CAMKMT: variants seen among roughly 807,000 people sequenced by gnomAD.
CAMKMT encodes CaM KMT.
Under a neutral mutation model 48.0 loss-of-function variants are expected in CAMKMT, and 53 were observed. That is an observed-to-expected ratio of 1.10 (90% CI 0.89 to 1.39). The LOEUF is 1.39. CAMKMT is among the 40% of genes most tolerant of loss of function. The pLI is 0.00. For missense variants in CAMKMT, 428 were observed against 402.7 expected, an observed-to-expected ratio of 1.06 and a Z score of -0.54; for synonymous variants, 165 against 152.3, an observed-to-expected ratio of 1.08 and a Z score of -0.61.
intron 3 of CAMKMT, among the ~76,000 whole-genome samples, chr2:44,555,489 A>T (rs1197399579): frequency 2.6e-5 from 4 of 152,014 alleles, no homozygotes; most frequent in Non-Finnish European, 4.4e-5. Context: ...TTTTTGAGTG[A>T]GTGGAGCCTG....
rs181833301 is a variant in CAMKMT, at chr2:44,416,789, G to A, written c.376+26484G>A. Among the ~76,000 whole-genome samples the A allele has an allele frequency of 2.7e-3, 410 of 151,710 alleles. 1 individual carries two copies. Among genetic ancestry groups the A allele is most frequent in the African/African-American group, 9.4e-3 (389 of 41,338 alleles). On this transcript the variant is annotated intron_variant, in intron 3 of 10. Coordinates refer to ENST00000378494, the MANE Select transcript of CAMKMT (RefSeq NM_024766.5). ...AGGGTTTCACTATGTTGGCCAGGCT[G>A]GTCTCTAACTCCTAACCTCAGGTGA...
Position 44,361,967 on chromosome 2 carries a change from C to A in CAMKMT, c.-41C>A. On this transcript the variant is annotated 5_prime_UTR_variant, in exon 1 of 11. The change creates a new upstream start codon in the 5' untranslated region. Coordinates refer to ENST00000378494, the MANE Select transcript of CAMKMT (RefSeq NM_024766.5). ...TTGGCAGGTCCTGGCAGGGGACGAG[C>A]TGCGGCGGTGGCACCTCCGGGTGTG... 7.3e-7 allele frequency: 1 copy of A among 1,362,272 alleles called. No individual in the cohort carries two copies. Among genetic ancestry groups the A allele is most frequent in the Non-Finnish European group, 9.4e-7 (1 of 1,062,084 alleles). The allele number at this position is 1,362,272 out of a possible 1,614,324, so 84.4% of individuals were successfully genotyped here.
At chr2:44,462,014 T>G (rs1667872571) in intron 3 of CAMKMT, among the ~76,000 whole-genome samples, 1 of 152,246 alleles carries the variant, frequency 6.6e-6, no homozygotes, top group African/African-American at 2.4e-5. Context: ...CTTACATATT[T>G]CTACTTCCAA....
chr2:44,409,659 G>A (rs1683056142), intron 3 of CAMKMT, among the ~76,000 whole-genome samples: 1 of 152,130 alleles, frequency 6.6e-6, no homozygotes, highest in Non-Finnish European at 1.5e-5. Context: ...TTGTAAAAAT[G>A]TGAGATCATA....
intron 6 of CAMKMT, among the ~76,000 whole-genome samples, chr2:44,709,803 G>A (rs1677774591): frequency 6.6e-6 from 1 of 151,918 alleles, no homozygotes. Context: ...TACTTTCTAA[G>A]AAGTAAAAGT....
At chr2:44,690,975 C>G (rs1399175184) in intron 3 of CAMKMT, among the ~76,000 whole-genome samples, 1 of 147,350 alleles carries the variant, frequency 6.8e-6, no homozygotes, top group South Asian at 2.2e-4. Context: ...GACTCCATCT[C>G]AAAAAAAAAA....
intron 3 of CAMKMT, among the ~76,000 whole-genome samples, chr2:44,692,258 T>TAAA (rs199863027): frequency 1.4e-5 from 2 of 146,634 alleles, no homozygotes; most frequent in African/African-American, 5.0e-5. Context: ...TTTTTAATAG[T>TAAA]AAAAAAAAAA....
At chr2:44,555,163 C>T (rs1667940159) in intron 3 of CAMKMT, among the ~76,000 whole-genome samples, 1 of 151,946 alleles carries the variant, frequency 6.6e-6, no homozygotes, top group South Asian at 2.1e-4. Context: ...CAATAATTTA[C>T]ATTATTCATT....
At chr2:44,636,947 C>G (rs1673169495) in intron 3 of CAMKMT, among the ~76,000 whole-genome samples, 1 of 152,190 alleles carries the variant, frequency 6.6e-6, no homozygotes. Context: ...CATCACATCA[C>G]AAGCCAAGAA....
intron 2 of CAMKMT, among the ~76,000 whole-genome samples, chr2:44,387,586 G>C (rs1476099626): frequency 6.6e-6 from 1 of 150,878 alleles, no homozygotes; most frequent in African/African-American, 2.4e-5. Flanking sequence ...GTTTTTTTTT[G>C]TTTTTGCTTT....
chr2:44,739,173 C>T (rs1221425929), intron 7 of CAMKMT, among the ~76,000 whole-genome samples: 1 of 152,178 alleles, frequency 6.6e-6, no homozygotes, highest in East Asian at 1.9e-4. Context: ...TTAAAAGAAT[C>T]ACTCTGGCTG....
At chr2:44,569,437 A>G (rs961422958) in intron 3 of CAMKMT, among the ~76,000 whole-genome samples, 1 of 152,028 alleles carries the variant, frequency 6.6e-6, no homozygotes, top group African/African-American at 2.4e-5. Context: ...TTCTTTTTTT[A>G]TTTTAAAAAT....
chr2:44,448,787 A>G (rs1476502161), intron 3 of CAMKMT, among the ~76,000 whole-genome samples: 2 of 152,228 alleles, frequency 1.3e-5, no homozygotes, highest in Non-Finnish European at 2.9e-5. Context: ...AAAATGTAGT[A>G]TATTTATTCA....
chr2:44,504,294 A>T (rs150566990), intron 3 of CAMKMT, among the ~76,000 whole-genome samples: 1 of 152,176 alleles, frequency 6.6e-6, no homozygotes, highest in Non-Finnish European at 1.5e-5. Context: ...ACACTGCTCA[A>T]ATGACTTAGG....
intron 3 of CAMKMT, among the ~76,000 whole-genome samples, chr2:44,512,576 C>T (rs186422681): frequency 9.5e-4 from 145 of 152,314 alleles, no homozygotes; most frequent in African/African-American, 3.4e-3. Context: ...TTTCAAGAGT[C>T]TCCTACTTTT....
Position 44,707,524 on chromosome 2 carries a change from C to A in CAMKMT, c.556+62C>A, listed in dbSNP as rs1215021609. 6 of 1,405,340 alleles carry A rather than the reference C, an allele frequency of 4.3e-6. No homozygotes were observed. In the East Asian group the frequency reaches 7.0e-5, roughly 16 times the overall value. The allele number at this position is 1,405,340 out of a possible 1,614,324, so 87.1% of individuals were successfully genotyped here. On this transcript the variant is annotated intron_variant, in intron 6 of 10. Transcript: ENST00000378494. Reference sequence around the variant, plus strand: ...TCATTCCTTTTTCCTGGCTGAGTAACAATTGATATAAAGAAAGACAGCATG... The same window carrying A: ...TCATTCCTTTTTCCTGGCTGAGTAAAAATTGATATAAAGAAAGACAGCATG...
intron 6 of CAMKMT, 79 bp from the exon 7 acceptor site, chr2:44,715,208 A>T: frequency 1.1e-6 from 1 of 940,512 alleles, no homozygotes; most frequent in Non-Finnish European, 1.6e-6. Flanking sequence ...AAAAAAAAAA[A>T]AAAAGATAAC....
intron 3 of CAMKMT, among the ~76,000 whole-genome samples, chr2:44,578,362 CATG>C (rs768430938): frequency 6.0e-4 from 91 of 152,220 alleles, no homozygotes; most frequent in South Asian, 1.0e-3. Flanking sequence ...TAACAGTGAA[CATG>C]ATATTTTAAA....
At chr2:44,529,099 A>C (rs527665776) in intron 3 of CAMKMT, among the ~76,000 whole-genome samples, 1 of 152,310 alleles carries the variant, frequency 6.6e-6, no homozygotes, top group African/African-American at 2.4e-5. Context: ...AAGGCAGATT[A>C]AATGCTTGAT....
Sources: gnomAD v4.1 joint callset for allele counts (sites outside exome capture counted in the v4.1 genomes callset) on GRCh38, gnomAD v4.1.1 for gene constraint, MANE v1.5 for transcripts, NCBI Gene and HGNC (gene_info 2026-07-23, HGNC 2026-07-21) for gene names.